Variants in ITPR1 observed in about 807,000 individuals in gnomAD.
ITPR1 encodes the protein inositol 1,4,5-trisphosphate-gated calcium channel ITPR1.
Under a neutral mutation model 318.4 loss-of-function variants are expected in ITPR1, and 96 were observed. The observed-to-expected ratio is 0.30, with a 90% CI of 0.26 to 0.36. ITPR1 has a LOEUF of 0.36. Among genes scored for constraint, ITPR1 ranks in the 10% least tolerant of loss-of-function variants. The pLI is 1.00. For missense variants in ITPR1, 2,440 were observed against 3,460.2 expected, an observed-to-expected ratio of 0.71 and a Z score of 7.40; for synonymous variants, 1,312 against 1,289.9, an observed-to-expected ratio of 1.02 and a Z score of -0.37.
chr3:4,685,182 G>T lies in ITPR1; in HGVS notation c.3678G>T (p.Glu1226Asp). ...RNMGAHAVVL[E>D]LLQIPYEKAE... is the part of the protein sequence containing the mutation. ...TGGGCGCGCACGCCGTGGTGCTGGA[G>T]CTGCTGCAGATTCCCTATGAGAAGG... The change falls in exon 30 of 62, where the codon GAG (glutamate) becomes GAT (aspartate). Residue 1226 changes from glutamate to aspartate, a missense_variant. This residue lies in a region of ITPR1 where 222 missense variants were observed against 318.8 expected (regional missense o/e 0.70). Coordinates refer to ENST00000649015, the MANE Select transcript of ITPR1 (RefSeq NM_001378452.1). 1.2e-6 allele frequency: 2 copies of T among 1,605,188 alleles called. No homozygotes were observed. Among genetic ancestry groups the T allele is most frequent in the Non-Finnish European group, 1.7e-6 (2 of 1,178,468 alleles).
rs934243511 is a variant in ITPR1 at position 4,657,467 on chromosome 3, AG to A, written c.997-656del. ...CTTAGTGTAACTGCACGTTTTTGAA[AG>A]ATTTTTTTTTTTTTTTTGAGACAGA... On this transcript the variant is annotated intron_variant, in intron 12 of 61. Coordinates refer to ENST00000649015, the MANE Select transcript of ITPR1 (RefSeq NM_001378452.1). 1.8e-4 allele frequency among the ~76,000 whole-genome samples: 26 copies of A among 145,264 alleles called. 1 individual carries two copies. The highest frequency in any genetic ancestry group is 1.7e-3 in the Admixed American group (25 of 14,558).
At position 4,668,603 on chromosome 3, in the gene ITPR1, G is replaced by A. The variant is rs146245648; in HGVS notation, c.1887-1051G>A. Reference sequence around the variant, plus strand: ...CTGCCTCAGGCTCCCCAGTAGCTGCGACTACAGGCACGTGCCACCACACCC... The same window carrying A: ...CTGCCTCAGGCTCCCCAGTAGCTGCAACTACAGGCACGTGCCACCACACCC... On this transcript the variant is annotated intron_variant, in intron 18 of 61. Coordinates refer to ENST00000649015, the MANE Select transcript of ITPR1 (RefSeq NM_001378452.1). Among the ~76,000 whole-genome samples the A allele has an allele frequency of 2.6e-3, 400 of 152,152 alleles. 3 individuals are homozygous for A. Among genetic ancestry groups the A allele is most frequent in the Admixed American group, 6.8e-3 (104 of 15,292 alleles).
In ITPR1 at chr3:4,753,709, C is replaced by T. The variant is rs534767065; in HGVS notation, c.5545-12821C>T. Among the ~76,000 whole-genome samples the T allele has an allele frequency of 1.4e-3, 206 of 152,220 alleles. 3 individuals are homozygous for T. Among genetic ancestry groups the T allele is most frequent in the Admixed American group, 4.8e-3 (73 of 15,294 alleles). On this transcript the variant is annotated intron_variant, in intron 44 of 61. Transcript: ENST00000649015. ...CTAAGCCAGTGTCCTTGCCTCCATC[C>T]GGCCTGAGTGGATTTATTTTTTTCG...
At chr3:4,714,198 C>T (rs1574977890) in intron 39 of ITPR1, among the ~76,000 whole-genome samples, 1 of 152,136 alleles carries the variant, frequency 6.6e-6, no homozygotes, top group Non-Finnish European at 1.5e-5. Flanking sequence ...TTTTCAAGGG[C>T]AGAAATAACC....
chr3:4,633,697 A>G (rs1376003571), intron 5 of ITPR1, among the ~76,000 whole-genome samples: 2 of 152,208 alleles, frequency 1.3e-5, no homozygotes, highest in Non-Finnish European at 2.9e-5. Flanking sequence ...CCCATCCGCA[A>G]ATCACATAAA....
intron 4 of ITPR1, among the ~76,000 whole-genome samples, chr3:4,571,072 C>T (rs1412984170): frequency 6.6e-6 from 1 of 152,142 alleles, no homozygotes; most frequent in Non-Finnish European, 1.5e-5. Context: ...GAGAGCTAGC[C>T]CCGTGCACAA....
chr3:4,691,808 A>T (rs947924862), intron 32 of ITPR1, among the ~76,000 whole-genome samples: 2 of 152,158 alleles, frequency 1.3e-5, no homozygotes, highest in Non-Finnish European at 2.9e-5. Flanking sequence ...ATTCACTTTG[A>T]TTTACAATCT....
intron 2 of ITPR1, among the ~76,000 whole-genome samples, chr3:4,509,716 G>A (rs1333645829): frequency 6.6e-6 from 1 of 152,210 alleles, no homozygotes; most frequent in East Asian, 1.9e-4. Flanking sequence ...AGGATCACTT[G>A]AGCCTGGGAG....
chr3:4,794,907 G>A, intron 52 of ITPR1, 158 bp from the exon 53 acceptor site: 1 of 752,350 alleles, frequency 1.3e-6, no homozygotes, highest in South Asian at 2.4e-5. Flanking sequence ...ATGTCATTAT[G>A]TACCAAGTTC....
intron 53 of ITPR1, among the ~76,000 whole-genome samples, chr3:4,795,728 C>T (rs2047857203): frequency 6.6e-6 from 1 of 152,184 alleles, no homozygotes. Flanking sequence ...GAGGTACCTG[C>T]CATTATTCAC....
At position 4,680,417 on chromosome 3, in the gene ITPR1, C is replaced by T. The variant is rs569992620; in HGVS notation, c.2968-136C>T. 91 of 729,994 alleles carry T rather than the reference C, an allele frequency of 1.2e-4. 1 individual carries two copies. In the African/African-American group the frequency reaches 1.4e-3, roughly 12 times the overall value. The allele number at this position is 729,994 out of a possible 1,614,324, so 45.2% of individuals were successfully genotyped here. A position where few individuals can be genotyped will look rare whatever the true frequency, so the allele number is the denominator to read the frequency against. ...TTAAAATGACTGTTGAAATCTAAGCCAAATACTTGGCTCACTTAGTGCTTA... is the reference window on the plus strand; with the variant it reads ...TTAAAATGACTGTTGAAATCTAAGCTAAATACTTGGCTCACTTAGTGCTTA... On this transcript the variant is annotated intron_variant, in intron 24 of 61. Transcript: ENST00000649015.
At chr3:4,840,564 T>A (rs186702705) in intron 61 of ITPR1, among the ~76,000 whole-genome samples, 1 of 152,326 alleles carries the variant, frequency 6.6e-6, no homozygotes, top group East Asian at 1.9e-4. Context: ...AAATCTTTAC[T>A]GTTATTTACC....
At position 4,814,532 on chromosome 3, in the gene ITPR1, A is replaced by G. The variant is rs755671910; in HGVS notation, c.7671A>G (p.Val2557=). 6.3e-7 allele frequency: 1 copy of G among 1,583,766 alleles called. No individual in the cohort carries two copies. The highest frequency in any genetic ancestry group is 8.6e-7 in the Non-Finnish European group (1 of 1,165,550). The change falls in exon 58 of 62, where the codon GTA becomes GTG. Residue 2557 remains valine (V), a synonymous_variant. Transcript: ENST00000649015. The stretch of plus-strand genomic sequence containing the variant: ...ACGGGCTGCGGAGCGGGGGTGGAGT[A>G]GGAGATGTACTCAGGAAGCCGTCCA... The part of the protein sequence containing the change: ...LSHGLRSGGG[V]GDVLRKPSKE...
chr3:4,755,430 G>A (rs867966714), intron 44 of ITPR1, among the ~76,000 whole-genome samples: 2 of 150,438 alleles, frequency 1.3e-5, no homozygotes, highest in African/African-American at 2.4e-5. Context: ...TTAGACATGG[G>A]GTCTTGCTAT....
At chr3:4,785,155 T>G (rs1488261960) in intron 51 of ITPR1, among the ~76,000 whole-genome samples, 1 of 152,214 alleles carries the variant, frequency 6.6e-6, no homozygotes, top group East Asian at 1.9e-4. Flanking sequence ...AAGTCATTGG[T>G]GTATCTCCAT....
At chr3:4,581,581 GT>G (rs2089345854) in intron 4 of ITPR1, among the ~76,000 whole-genome samples, 1 of 152,190 alleles carries the variant, frequency 6.6e-6, no homozygotes, top group African/African-American at 2.4e-5. Context: ...CCCATTACAA[GT>G]TTTATATGAA....
At chr3:4,661,257 G>A (rs537310015) in intron 14 of ITPR1, among the ~76,000 whole-genome samples, 170 bp downstream of exon 14, 1 of 152,282 alleles carries the variant, frequency 6.6e-6, no homozygotes, top group Admixed American at 6.5e-5. Flanking sequence ...AGACCTGAGT[G>A]GAGCAAACCC....
intron 4 of ITPR1, among the ~76,000 whole-genome samples, chr3:4,558,968 A>G (rs780510313): frequency 6.6e-6 from 1 of 152,110 alleles, no homozygotes; most frequent in Non-Finnish European, 1.5e-5. Context: ...AAAACTAACA[A>G]TTCCTTATTA....
intron 39 of ITPR1, among the ~76,000 whole-genome samples, chr3:4,716,979 C>T (rs191229269): frequency 5.3e-5 from 8 of 152,322 alleles, no homozygotes; most frequent in Non-Finnish European, 1.0e-4. Flanking sequence ...CTAAACTGGG[C>T]TAATTCTACT....
Sources: allele counts gnomAD v4.1 joint callset (sites outside exome capture counted in the v4.1 genomes callset), GRCh38; gene constraint gnomAD v4.1.1; regional missense constraint gnomAD v4.1.1; transcripts MANE v1.5; gene names NCBI Gene and HGNC (gene_info 2026-07-23, HGNC 2026-07-21).